The following DNER variants were observed in gnomAD, a reference collection of about 807,000 sequenced individuals.
DNER encodes the protein delta and Notch-like epidermal growth factor-related receptor.
In DNER, 33 loss-of-function variants were observed where a neutral mutation model predicts 78.2. The ratio of observed to expected loss-of-function variants is 0.42; its 90% confidence interval spans 0.32 to 0.56. The LOEUF is 0.56. DNER is among the 20% of genes least tolerant of loss of function. The pLI is 0.11. For missense variants in DNER, 918 were observed against 975.3 expected (o/e 0.94, Z 0.78); for synonymous variants, 417 against 384.8 (o/e 1.08, Z -0.98).
chr2:229,480,099 T>A (rs1291079868), intron 6 of DNER, among the ~76,000 whole-genome samples: 3 of 152,192 alleles, frequency 2.0e-5, no homozygotes, highest in Non-Finnish European at 2.9e-5. Flanking sequence ...TCTGTGAACT[T>A]CAAAGTTCTT....
chr2:229,494,204 C>T (rs1334644217), intron 6 of DNER, among the ~76,000 whole-genome samples: 1 of 152,134 alleles, frequency 6.6e-6, no homozygotes, highest in Non-Finnish European at 1.5e-5. Flanking sequence ...CCCAACAGCC[C>T]CAAATGTCTC....
At chr2:229,703,415 C>G (rs920998795) in intron 1 of DNER, among the ~76,000 whole-genome samples, 1 of 152,072 alleles carries the variant, frequency 6.6e-6, no homozygotes, top group African/African-American at 2.4e-5. Context: ...GGGTCAAAGA[C>G]CTTCATGTCA....
At chr2:229,475,284 AGG>A (rs367869721) in intron 7 of DNER, among the ~76,000 whole-genome samples, 2 of 152,302 alleles carry the variant, frequency 1.3e-5, no homozygotes, top group African/African-American at 4.8e-5. Flanking sequence ...CCTCCCCTCT[AGG>A]ATGAAGATGA....
At chr2:229,637,485 A>G (rs1030095293) in intron 1 of DNER, among the ~76,000 whole-genome samples, 1 of 152,220 alleles carries the variant, frequency 6.6e-6, no homozygotes, top group African/African-American at 2.4e-5. Context: ...AATTATACTA[A>G]AAGCAAAGGT....
chr2:229,422,794 A>G (rs938256377), intron 8 of DNER, among the ~76,000 whole-genome samples: 23 of 152,216 alleles, frequency 1.5e-4, no homozygotes, highest in Admixed American at 5.2e-4. Flanking sequence ...AATGGAAGGG[A>G]AAAAAGAAGG....
chr2:229,414,355 C>T (rs1693596668), intron 9 of DNER, among the ~76,000 whole-genome samples: 1 of 152,170 alleles, frequency 6.6e-6, no homozygotes, highest in African/African-American at 2.4e-5. Context: ...CAACGTCTAC[C>T]TCCCAGGTTC....
At chr2:229,584,014 A>G (rs1272556858) in intron 4 of DNER, among the ~76,000 whole-genome samples, 1 of 152,230 alleles carries the variant, frequency 6.6e-6, no homozygotes, top group Non-Finnish European at 1.5e-5. Flanking sequence ...AGGGTCAGTC[A>G]AACATAAAGT....
intron 1 of DNER, among the ~76,000 whole-genome samples, chr2:229,594,952 T>TAAAAAAAAAAAAAAAAAAAAAAAAAA (rs200824543): frequency 9.7e-6 from 1 of 102,688 alleles, no homozygotes; most frequent in African/African-American, 3.4e-5. Context: ...AAATGCTGTT[T>TAAAAAAAAAAAAAAAAAAAAAAAAAA]AAAAAAAAAA....
Position 229,524,280 on chromosome 2 carries a change from T to A in DNER, c.994-11344A>T, listed in dbSNP as rs530213385. On this transcript the variant is annotated intron_variant, in intron 5 of 12. Coordinates refer to ENST00000341772, the MANE Select transcript of DNER (RefSeq NM_139072.4). ...TTCTCTCTTTTTGACCATGGGCAAG[T>A]AATTTATATTATTTATTGCATTGTT... Among the ~76,000 whole-genome samples the A allele has an allele frequency of 7.2e-5, 11 of 152,350 alleles. No individual in the cohort carries two copies. In the East Asian group the frequency reaches 1.9e-3, roughly 27 times the overall value.
At chr2:229,693,230 C>G (rs1014083830) in intron 1 of DNER, among the ~76,000 whole-genome samples, 2 of 151,628 alleles carry the variant, frequency 1.3e-5, no homozygotes, top group East Asian at 3.9e-4. Context: ...CTCCTTGATG[C>G]CACCATGTGA....
At chr2:229,592,609 T>C (rs766716288) in intron 1 of DNER, among the ~76,000 whole-genome samples, 3 of 152,150 alleles carry the variant, frequency 2.0e-5, no homozygotes, top group Non-Finnish European at 4.4e-5. Flanking sequence ...ATTATGCTCA[T>C]GGTCTGGGGA....
chr2:229,606,658 CAA>C (rs1292835199), intron 1 of DNER, among the ~76,000 whole-genome samples: 3 of 151,984 alleles, frequency 2.0e-5, no homozygotes, highest in Admixed American at 6.6e-5. Context: ...TTTGGGAGGC[CAA>C]GGCAGGAGGA....
chr2:229,568,383 C>T (rs1697150722), intron 4 of DNER, among the ~76,000 whole-genome samples: 1 of 152,072 alleles, frequency 6.6e-6, no homozygotes, highest in African/African-American at 2.4e-5. Context: ...ATTTTTAGGC[C>T]CCTGCCTTGG....
intron 3 of DNER, 57 bp from the exon 4 acceptor site, chr2:229,586,081 C>T: frequency 6.5e-7 from 1 of 1,533,570 alleles, no homozygotes; most frequent in South Asian, 1.3e-5. Context: ...CATCTTAGAA[C>T]CAGTTCTTCA....
intron 4 of DNER, among the ~76,000 whole-genome samples, chr2:229,581,430 T>C (rs1697395319): frequency 6.6e-6 from 1 of 152,142 alleles, no homozygotes; most frequent in Non-Finnish European, 1.5e-5. Context: ...TTTAGATATT[T>C]ACCCCAATGC....
At chr2:229,622,399 C>T (rs1298573204) in intron 1 of DNER, among the ~76,000 whole-genome samples, 1 of 152,154 alleles carries the variant, frequency 6.6e-6, no homozygotes, top group Admixed American at 6.5e-5. Context: ...AAATGAATAG[C>T]TGAAGCTTTG....
At chr2:229,417,703 C>T (rs962812504) in intron 9 of DNER, among the ~76,000 whole-genome samples, 11 of 152,030 alleles carry the variant, frequency 7.2e-5, no homozygotes, top group East Asian at 5.8e-4. Context: ...CATGGGACTC[C>T]GCCTGCCTCC....
At chr2:229,600,908 A>T (rs1027901091) in intron 1 of DNER, among the ~76,000 whole-genome samples, 1 of 152,172 alleles carries the variant, frequency 6.6e-6, no homozygotes, top group Non-Finnish European at 1.5e-5. Context: ...TGCCAGTTGG[A>T]GAGGGGGACT....
chr2:229,451,009 C>T (rs905574047), intron 7 of DNER, among the ~76,000 whole-genome samples: 1 of 152,198 alleles, frequency 6.6e-6, no homozygotes, highest in Admixed American at 6.5e-5. Context: ...GGCAAGGCCC[C>T]CTTTCTCCCA....
Sources: allele counts gnomAD v4.1 joint callset (sites outside exome capture counted in the v4.1 genomes callset), GRCh38; gene constraint gnomAD v4.1.1; transcripts MANE v1.5; gene names NCBI Gene and HGNC (gene_info 2026-07-23, HGNC 2026-07-21).